The following PTPRK variants were observed in gnomAD, a reference collection of about 807,000 sequenced individuals.
PTPRK encodes the protein receptor-type tyrosine-protein phosphatase kappa.
PTPRK carries 75 observed loss-of-function variants against 178.0 expected under a neutral mutation model. The ratio of observed to expected loss-of-function variants is 0.42; its 90% CI spans 0.35 to 0.51. The LOEUF (loss-of-function observed/expected upper bound fraction) is 0.51, where lower values mean the gene tolerates loss of function less well. PTPRK is among the 20% of genes least tolerant of loss of function. PTPRK has a pLI of 0.02. For missense variants in PTPRK, 1,441 were observed against 1,797.8 expected, an observed-to-expected ratio of 0.80 and a Z score of 3.59; for synonymous variants, 637 against 620.6, an observed-to-expected ratio of 1.03 and a Z score of -0.39.
intron 3 of PTPRK, among the ~76,000 whole-genome samples, chr6:128,301,536 T>C (rs1825607822): frequency 6.6e-6 from 1 of 152,084 alleles, no homozygotes; most frequent in Non-Finnish European, 1.5e-5. Flanking sequence ...TATTAATCAC[T>C]AACATTTGAT....
chr6:128,386,020 T>C (rs187126155), intron 2 of PTPRK, among the ~76,000 whole-genome samples: 2 of 152,334 alleles, frequency 1.3e-5, no homozygotes, highest in East Asian at 3.9e-4. Flanking sequence ...AGATTTTCAG[T>C]ATACTTTTAA....
chr6:128,336,533 T>G (rs534420791), intron 2 of PTPRK, among the ~76,000 whole-genome samples: 1 of 152,322 alleles, frequency 6.6e-6, no homozygotes, highest in South Asian at 2.1e-4. Flanking sequence ...AAAATTTCAC[T>G]GTCACATCGT....
intron 28 of PTPRK, among the ~76,000 whole-genome samples, chr6:127,973,414 CTG>C (rs549095288): frequency 2.0e-3 from 312 of 152,242 alleles, no homozygotes; most frequent in Non-Finnish European, 3.6e-3. Context: ...TATTTGTAAA[CTG>C]TGTAAATCAG....
Position 128,416,519 on chromosome 6 carries a change from C to A in PTPRK, c.101-18831G>T, listed in dbSNP as rs1031255595. 2.0e-5 allele frequency among the ~76,000 whole-genome samples: 3 copies of A among 151,294 alleles called. No homozygotes were observed. The South Asian group carries it at 6.3e-4, about 32-fold the overall frequency. ...AAAATTAGCCGGGTGTGGTGGCTGGCGCCTGTAGTCCCAGCTACTCGGGAG... is the reference window on the plus strand; with the variant it reads ...AAAATTAGCCGGGTGTGGTGGCTGGAGCCTGTAGTCCCAGCTACTCGGGAG... On this transcript the variant is annotated intron_variant, in intron 1 of 29. Coordinates refer to ENST00000368226, the MANE Select transcript of PTPRK (RefSeq NM_002844.4).
At chr6:128,514,423 CT>C in intron 1 of PTPRK, among the ~76,000 whole-genome samples, 1 of 151,456 alleles carries the variant, frequency 6.6e-6, no homozygotes, top group African/African-American at 2.4e-5. Flanking sequence ...GGACTACATA[CT>C]TACATCTTTC....
intron 2 of PTPRK, among the ~76,000 whole-genome samples, chr6:128,363,665 C>T (rs1835076814): frequency 6.6e-6 from 1 of 152,102 alleles, no homozygotes; most frequent in South Asian, 2.1e-4. Context: ...TCTCTTTCAT[C>T]TGGGAATCAG....
intron 1 of PTPRK, among the ~76,000 whole-genome samples, chr6:128,496,062 T>C (rs1854608944): frequency 1.3e-5 from 2 of 152,204 alleles, no homozygotes; most frequent in South Asian, 2.1e-4. Flanking sequence ...TATTGACAAG[T>C]ATATGTTTCA....
intron 3 of PTPRK, among the ~76,000 whole-genome samples, chr6:128,253,266 T>C (rs1295242800): frequency 6.6e-6 from 1 of 152,212 alleles, no homozygotes. Flanking sequence ...AAAAGTTTAC[T>C]GAAATAATCC....
intron 1 of PTPRK, among the ~76,000 whole-genome samples, chr6:128,450,466 T>C (rs1166242050): frequency 6.6e-6 from 1 of 152,218 alleles, no homozygotes; most frequent in Non-Finnish European, 1.5e-5. Flanking sequence ...CACATATAAG[T>C]ATAATTGCTT....
intron 7 of PTPRK, among the ~76,000 whole-genome samples, chr6:128,139,872 T>C (rs1181880728): frequency 8.6e-6 from 1 of 116,476 alleles, no homozygotes; most frequent in Non-Finnish European, 1.8e-5. Context: ...GTTTTGCTTT[T>C]ATTTCACTAG....
intron 2 of PTPRK, among the ~76,000 whole-genome samples, chr6:128,380,937 T>C (rs758229641): frequency 2.0e-5 from 3 of 152,210 alleles, no homozygotes; most frequent in Non-Finnish European, 4.4e-5. Flanking sequence ...AAAATCTGTT[T>C]GTGCAACAGA....
intron 1 of PTPRK, among the ~76,000 whole-genome samples, chr6:128,432,757 C>CACACACAG (rs1233282742): frequency 2.6e-5 from 4 of 151,962 alleles, no homozygotes; most frequent in Non-Finnish European, 5.9e-5. Flanking sequence ...CACACACACA[C>CACACACAG]ACACACACAC....
chr6:128,348,546 A>AG lies in PTPRK; in HGVS notation c.224-26237_224-26236insC, dbSNP rs1832713795. 2.9e-3 allele frequency among the ~76,000 whole-genome samples: 6 copies of AG among 2,072 alleles called. No individual in the cohort carries two copies. The South Asian group carries it at 0.42, about 144-fold the overall frequency. 1.4% of individuals were successfully genotyped at this position (2,072 alleles called of 152,430 possible). On this transcript the variant is annotated intron_variant, in intron 2 of 29. Transcript: ENST00000368226. The stretch of plus-strand genomic sequence containing the variant: ...TGGTGAATATTAAAGCCATAAGTTT[A>AG]CAAAATTTTCTGTAAGAATGACAAT...
chr6:128,170,994 A>G (rs1800162193), intron 7 of PTPRK, among the ~76,000 whole-genome samples: 1 of 151,968 alleles, frequency 6.6e-6, no homozygotes, highest in Non-Finnish European at 1.5e-5. Flanking sequence ...TAAACGAATT[A>G]CACATTTCCA....
Position 128,149,365 on chromosome 6 carries a change from T to A in PTPRK, c.1162+35067A>T, listed in dbSNP as rs535980078. On this transcript the variant is annotated intron_variant, in intron 7 of 29. Transcript: ENST00000368226. ...AATGAAATAATAATAATATTGATAA[T>A]TCTAAAACAGAATAAATATATTAAA... is the stretch of plus-strand genomic sequence containing the variant. 5.3e-5 allele frequency among the ~76,000 whole-genome samples: 8 copies of A among 152,206 alleles called. No homozygotes were observed. In the South Asian group the frequency reaches 1.0e-3, roughly 20 times the overall value.
intron 10 of PTPRK, among the ~76,000 whole-genome samples, chr6:128,081,318 T>C (rs891883573): frequency 6.6e-6 from 1 of 151,960 alleles, no homozygotes; most frequent in African/African-American, 2.4e-5. Context: ...GATACTTTAA[T>C]TTTTTATTGG....
intron 1 of PTPRK, among the ~76,000 whole-genome samples, chr6:128,429,579 A>T (rs1038541721): frequency 6.6e-6 from 1 of 152,254 alleles, no homozygotes. Context: ...ATAGCAAAGT[A>T]AAATCTGACA....
At chr6:128,451,886 C>G (rs1471772171) in intron 1 of PTPRK, among the ~76,000 whole-genome samples, 1 of 152,090 alleles carries the variant, frequency 6.6e-6, no homozygotes, top group Non-Finnish European at 1.5e-5. Flanking sequence ...TACATTATAG[C>G]ATGGTTTTCA....
At chr6:128,075,524 C>T (rs1322418639) in intron 11 of PTPRK, among the ~76,000 whole-genome samples, 2 of 152,010 alleles carry the variant, frequency 1.3e-5, no homozygotes, top group African/African-American at 4.8e-5. Context: ...AGCTTTAGTA[C>T]CACATTTTCT....
Sources: allele counts gnomAD v4.1 joint callset (sites outside exome capture counted in the v4.1 genomes callset), GRCh38; gene constraint gnomAD v4.1.1; transcripts MANE v1.5; gene names NCBI Gene and HGNC (gene_info 2026-07-23, HGNC 2026-07-21).